PARD3: variants seen among roughly 807,000 people sequenced by gnomAD.
PARD3 encodes par-3 family cell polarity regulator, also known as partitioning defective 3 homolog.
Under a neutral mutation model 155.4 loss-of-function variants are expected in PARD3, and 75 were observed. The observed-to-expected ratio is 0.48, with a 90% CI of 0.40 to 0.58. The LOEUF is 0.58. Among genes scored for constraint, PARD3 ranks in the 20% least tolerant of loss-of-function variants. The pLI, the probability that PARD3 is intolerant of heterozygous loss-of-function variation, is 0.00. For missense variants in PARD3, 1,642 were observed against 1,721.7 expected (o/e 0.95, Z 0.82); for synonymous variants, 576 against 610.5 (o/e 0.94, Z 0.83).
At chr10:34,387,011 C>T (rs1245404177) in intron 7 of PARD3, among the ~76,000 whole-genome samples, 1 of 152,024 alleles carries the variant, frequency 6.6e-6, no homozygotes, top group Non-Finnish European at 1.5e-5. Flanking sequence ...ATAACAGAAC[C>T]ACATGTGAGG....
rs1181494213 is a variant in PARD3, at chr10:34,587,860, A to C, written c.223-70701T>G. ...GTGCCCTGAGATAATTTCCATCAGC[A>C]CTCCCACACAGCTCAGGGCTGGCTC... On this transcript the variant is annotated intron_variant, in intron 2 of 24. Coordinates refer to ENST00000374788, the MANE Select transcript of PARD3 (RefSeq NM_001184785.2). Among the ~76,000 whole-genome samples the C allele has an allele frequency of 7.9e-5, 12 of 151,984 alleles. No homozygotes were observed. In the East Asian group the frequency reaches 2.1e-3, roughly 27 times the overall value.
At chr10:34,788,503 G>A (rs985109191) in intron 1 of PARD3, among the ~76,000 whole-genome samples, 6 of 150,308 alleles carry the variant, frequency 4.0e-5, no homozygotes, top group African/African-American at 9.9e-5. Context: ...AAGCTGGAGT[G>A]CAGTGGCACG....
rs895111211 is a variant in PARD3 at position 34,247,385 on chromosome 10, C to A, written c.3419+22272G>T. 3.9e-5 allele frequency among the ~76,000 whole-genome samples: 6 copies of A among 152,090 alleles called. No homozygotes were observed. The East Asian group carries it at 9.6e-4, about 24-fold the overall frequency. ...GGCATGGTGGCAGACACCTGTAATGCCAGCTATTTAGGAGACTGAGGCAGG... is the reference window on the plus strand; with the variant it reads ...GGCATGGTGGCAGACACCTGTAATGACAGCTATTTAGGAGACTGAGGCAGG... On this transcript the variant is annotated intron_variant, in intron 22 of 24. Transcript: ENST00000374788.
At chr10:34,453,333 A>G (rs2077162340) in intron 4 of PARD3, among the ~76,000 whole-genome samples, 1 of 152,190 alleles carries the variant, frequency 6.6e-6, no homozygotes, top group African/African-American at 2.4e-5. Flanking sequence ...ACTCTGTTCT[A>G]ATTTTACTTT....
chr10:34,518,382 A>G (rs1373023370), intron 2 of PARD3, among the ~76,000 whole-genome samples: 2 of 152,158 alleles, frequency 1.3e-5, no homozygotes, highest in African/African-American at 4.8e-5. Context: ...CAGTTAATGA[A>G]CAAGGGCTCC....
intron 1 of PARD3, among the ~76,000 whole-genome samples, chr10:34,737,926 G>T (rs2094944630): frequency 6.6e-6 from 1 of 152,174 alleles, no homozygotes; most frequent in African/African-American, 2.4e-5. Context: ...TCTCAGAACT[G>T]CCATTGAGAA....
intron 2 of PARD3, among the ~76,000 whole-genome samples, chr10:34,633,714 T>C (rs1006565573): frequency 6.6e-6 from 1 of 152,258 alleles, no homozygotes; most frequent in Non-Finnish European, 1.5e-5. Flanking sequence ...TGCTGGACCA[T>C]ATGGTAAGTT....
intron 19 of PARD3, among the ~76,000 whole-genome samples, chr10:34,330,739 G>A (rs1382270772): frequency 2.0e-5 from 3 of 152,002 alleles, no homozygotes; most frequent in South Asian, 2.1e-4. Flanking sequence ...AAGCAACTTC[G>A]TGTTAACAGA....
At chr10:34,150,765 A>G (rs1288685073) in intron 22 of PARD3, among the ~76,000 whole-genome samples, 1 of 152,190 alleles carries the variant, frequency 6.6e-6, no homozygotes, top group East Asian at 1.9e-4. Flanking sequence ...TATGAGTGCT[A>G]AGGTTTCACT....
At chr10:34,135,272 C>T (rs558018745) in intron 22 of PARD3, among the ~76,000 whole-genome samples, 3 of 152,310 alleles carry the variant, frequency 2.0e-5, no homozygotes, top group Non-Finnish European at 4.4e-5. Flanking sequence ...ACTCAGCCTC[C>T]ACCAACACAT....
chr10:34,641,138 C>G (rs1479237018), intron 2 of PARD3, among the ~76,000 whole-genome samples: 1 of 152,090 alleles, frequency 6.6e-6, no homozygotes, highest in Non-Finnish European at 1.5e-5. Context: ...AAGGCACTTC[C>G]AGTTTCTTCC....
In PARD3 at chr10:34,269,817, A is replaced by C; in HGVS notation, c.3259T>G (p.Phe1087Val). 1 of 1,613,952 alleles carries C rather than the reference A, an allele frequency of 6.2e-7. No homozygotes were observed. Among genetic ancestry groups the C allele is most frequent in the Non-Finnish European group, 8.5e-7 (1 of 1,179,932 alleles). ...YAEIQDFHRT[F>V]GCDDELMYGG... is the part of the protein sequence containing the mutation. ...TACATTAACTCATCATCACAGCCAA[A>C]TGTCCGATGAAAATCTTGAATTTCA... Residue 1087 changes from phenylalanine (F) to valine (V), a missense_variant, in exon 22 of 25, where the codon TTT (phenylalanine) becomes GTT (valine). Phe to Val is a conservative substitution (Grantham distance 50). Coordinates refer to ENST00000374788, the MANE Select transcript of PARD3 (RefSeq NM_001184785.2).
At chr10:34,434,190 C>A (rs2076080866) in intron 5 of PARD3, among the ~76,000 whole-genome samples, 1 of 152,124 alleles carries the variant, frequency 6.6e-6, no homozygotes, top group Admixed American at 6.6e-5. Flanking sequence ...CAGGGTAGAT[C>A]TGGAGACTAG....
At chr10:34,220,483 T>G (rs768558187) in intron 22 of PARD3, among the ~76,000 whole-genome samples, 1 of 152,192 alleles carries the variant, frequency 6.6e-6, no homozygotes, top group Non-Finnish European at 1.5e-5. Context: ...CTGTGCGATT[T>G]TGTGCTCAAA....
intron 2 of PARD3, among the ~76,000 whole-genome samples, chr10:34,547,871 C>T (rs2084224566): frequency 6.6e-6 from 1 of 152,126 alleles, no homozygotes; most frequent in Non-Finnish European, 1.5e-5. Context: ...GAAAAAATAG[C>T]CTACATTATG....
Position 34,131,570 on chromosome 10 carries a change from G to A in PARD3, c.3433C>T (p.Pro1145Ser). The change falls in exon 23 of 25, where the codon CCT becomes TCT. Residue 1145 changes from proline to serine, a missense_variant. By Grantham distance (74) the Pro-to-Ser change is moderately conservative. Coordinates refer to ENST00000374788, the MANE Select transcript of PARD3 (RefSeq NM_001184785.2). ...PSPVDSNRST[P>S]SNHDRIQRLR... ...CGCTGTATCCGATCATGATTGCTAG[G>A]AGTTGATCTGTTACTGAAAGAGAGA... is the stretch of plus-strand genomic sequence containing the variant. 1 of 1,613,820 alleles carries A rather than the reference G, an allele frequency of 6.2e-7. No homozygotes were observed.
chr10:34,306,301 T>A (rs1296440793), intron 20 of PARD3, among the ~76,000 whole-genome samples: 3 of 151,432 alleles, frequency 2.0e-5, no homozygotes, highest in African/African-American at 7.3e-5. Context: ...TCAAAATTAA[T>A]GTTTTTTAAT....
chr10:34,141,746 C>T (rs1948198916), intron 22 of PARD3, among the ~76,000 whole-genome samples: 3 of 152,130 alleles, frequency 2.0e-5, no homozygotes, highest in Admixed American at 1.3e-4. Flanking sequence ...GAGGGGAAGT[C>T]CTCCAGCAAC....
At chr10:34,697,770 C>CACACACACA (rs2094202178) in intron 1 of PARD3, among the ~76,000 whole-genome samples, 1 of 146,442 alleles carries the variant, frequency 6.8e-6, no homozygotes, top group African/African-American at 2.7e-5. Flanking sequence ...AAAACAAACA[C>CACACACACA]TCACACACAC....
Sources: allele counts gnomAD v4.1 joint callset (sites outside exome capture counted in the v4.1 genomes callset), GRCh38; gene constraint gnomAD v4.1.1; transcripts MANE v1.5; gene names NCBI Gene and HGNC (gene_info 2026-07-23, HGNC 2026-07-21).